The following NPAP1 variants were observed in gnomAD, a reference collection of about 807,000 sequenced individuals.
NPAP1 encodes the protein nuclear pore associated protein 1.
For missense variants in NPAP1, 1,483 were observed against 1,454.5 expected, an observed-to-expected ratio of 1.02 and a Z score of -0.32; for synonymous variants, 616 against 581.4, an observed-to-expected ratio of 1.06 and a Z score of -0.86.
chr15:24,677,033 T>G lies in NPAP1; in HGVS notation c.1166T>G (p.Met389Arg), dbSNP rs2141309407. The change falls in exon 1 of 1, where the codon ATG becomes AGG. Residue 389 changes from methionine to arginine, a missense_variant. Physicochemically the swap from Met to Arg is moderately conservative, Grantham distance 91. Transcript: ENST00000329468. ...ATCTTGGAGGATAAAACAGAGACCA[T>G]GACAAACAGCAGCATCACCCAGCCT... ...SRILEDKTET[M>R]TNSSITQPAP... The G allele has an allele frequency of 6.2e-7, 1 of 1,613,962 alleles. No homozygotes were observed. Among genetic ancestry groups the G allele is most frequent in the Non-Finnish European group, 8.5e-7 (1 of 1,179,998 alleles).
rs1243039564 is a variant in NPAP1, at chr15:24,678,928, G to A, written c.3061G>A (p.Gly1021Arg). The change falls in exon 1 of 1, where the codon GGG becomes AGG. Residue 1021 changes from glycine (G) to arginine (R), a missense_variant. Gly to Arg is a moderately radical substitution (Grantham distance 125). Transcript: ENST00000329468. ...AACCCCTATGGATGGTGGGAGCATT[G>A]GGTTCAGCATGTCTGCCCCAGGCCC... is the stretch of plus-strand genomic sequence containing the variant. ...PGTPMDGGSIGFSMSAPGPSS... is the reference protein window; with the variant it reads ...PGTPMDGGSIRFSMSAPGPSS... 1.9e-6 allele frequency: 3 copies of A among 1,614,086 alleles called. No homozygotes were observed. In the Admixed American group the frequency reaches 5.0e-5, roughly 27 times the overall value.
In NPAP1 at chr15:24,677,527, A is replaced by G. The variant is rs765207257; in HGVS notation, c.1660A>G (p.Ile554Val). 13 of 1,613,940 alleles carry G rather than the reference A, an allele frequency of 8.1e-6. No individual in the cohort carries two copies. The highest frequency in any genetic ancestry group is 1.1e-5 in the Non-Finnish European group (13 of 1,180,030). Residue 554 changes from isoleucine (I) to valine (V), a missense_variant, in exon 1 of 1, where the codon ATT becomes GTT. Transcript: ENST00000329468. ...CAAGCCTATGAATTCCACGTCAGTC[A>G]TTTCCACTGTCACAACAAACGCATC... ...TSKPMNSTSV[I>V]STVTTNASAH...
chr15:24,678,848 G>A lies in NPAP1; in HGVS notation c.2981G>A (p.Ser994Asn), dbSNP rs757344331. 6 of 1,614,196 alleles carry A rather than the reference G, an allele frequency of 3.7e-6. No individual in the cohort carries two copies. The highest frequency in any genetic ancestry group is 3.3e-5 in the South Asian group (3 of 91,086). ...IATGMPGTGD[S>N]TLLVGNTIPG... ...ACTGGGATGCCTGGCACTGGAGACA[G>A]TACCTTACTGGTTGGAAATACTATT... The change falls in exon 1 of 1, where the codon AGT becomes AAT. Residue 994 changes from serine to asparagine, a missense_variant. Ser to Asn is a conservative substitution (Grantham distance 46). Coordinates refer to ENST00000329468, the MANE Select transcript of NPAP1 (RefSeq NM_018958.3).
chr15:24,677,331 A>G lies in NPAP1; in HGVS notation c.1464A>G (p.Val488=). 1 of 1,614,128 alleles carries G rather than the reference A, an allele frequency of 6.2e-7. No homozygotes were observed. Among genetic ancestry groups the G allele is most frequent in the Non-Finnish European group, 8.5e-7 (1 of 1,180,004 alleles). ...NEKGGSYNSV[V]GAAPLTSDPP... ...AAGGAGGCTCTTATAATTCAGTCGTAGGAGCAGCGCCTCTCACTTCTGACC... is the reference window on the plus strand; with the variant it reads ...AAGGAGGCTCTTATAATTCAGTCGTGGGAGCAGCGCCTCTCACTTCTGACC... Residue 488 remains valine, a synonymous_variant, in exon 1 of 1, where the codon GTA becomes GTG. Transcript: ENST00000329468.
Position 24,682,315 on chromosome 15 carries a change from A to T in NPAP1, c.*2977A>T, listed in dbSNP as rs138283180. The T allele has an allele frequency of 4.3e-3, 726 of 167,160 alleles. 8 individuals carry two copies. The highest frequency in any genetic ancestry group is 0.018 in the East Asian group (93 of 5,176). The allele number at this position is 167,160 out of a possible 1,614,324, so 10.4% of individuals were successfully genotyped here. A position where few individuals can be genotyped will look rare whatever the true frequency, so the allele number is the denominator to read the frequency against. The stretch of plus-strand genomic sequence containing the variant: ...AGAGTGGAAATCCAGTTTTCTTCTA[A>T]TAGCCCTATACCCTTGCAGTATTAC... On this transcript the variant is annotated 3_prime_UTR_variant, in exon 1 of 1. Transcript: ENST00000329468.
In NPAP1 at chr15:24,676,568, T is replaced by G. The variant is rs1595615097; in HGVS notation, c.701T>G (p.Leu234Trp). The G allele has an allele frequency of 1.2e-6, 2 of 1,613,952 alleles. No homozygotes were observed. Among genetic ancestry groups the G allele is most frequent in the Non-Finnish European group, 1.7e-6 (2 of 1,179,986 alleles). ...KAQASPASSC[L>W]EGPAMPSTHS... ...CAGGCGTCTCCAGCGAGCTCCTGCTTGGAAGGCCCTGCCATGCCCAGCACA... is the reference window on the plus strand; with the variant it reads ...CAGGCGTCTCCAGCGAGCTCCTGCTGGGAAGGCCCTGCCATGCCCAGCACA... The change falls in exon 1 of 1, where the codon TTG (leucine) becomes TGG (tryptophan). Residue 234 changes from leucine to tryptophan, a missense_variant. By Grantham distance (61) the Leu-to-Trp change is moderately conservative (BLOSUM62 -2). Transcript: ENST00000329468.
chr15:24,676,178 A>AC, the NPAP1 span: 4 of 1,568,924 alleles, frequency 2.5e-6, no homozygotes, highest in Non-Finnish European at 3.4e-6. Flanking sequence ...CCTGCTCGGA[A>AC]CCCCCCGAGG....
In NPAP1 at chr15:24,680,934, A is replaced by C. The variant is rs1485102409; in HGVS notation, c.*1596A>C. 1 of 167,050 alleles carries C rather than the reference A, an allele frequency of 6.0e-6. No individual in the cohort carries two copies. The highest frequency in any genetic ancestry group is 1.5e-5 in the Non-Finnish European group (1 of 68,126). The allele number at this position is 167,050 out of a possible 1,614,324, so 10.3% of individuals were successfully genotyped here. A position where few individuals can be genotyped will look rare whatever the true frequency, so the allele number is the denominator to read the frequency against. On this transcript the variant is annotated 3_prime_UTR_variant, in exon 1 of 1. Transcript: ENST00000329468. ...GATTGTAGATAGAAGCAGGTGTTTC[A>C]GTTTACACTGTGAACAAGCCTCACT...
In NPAP1 at chr15:24,675,859, T is replaced by C. The variant is rs1273976870; in HGVS notation, c.-9T>C. On this transcript the variant is annotated 5_prime_UTR_variant, in exon 1 of 1. Transcript: ENST00000329468. Reference sequence around the variant, plus strand: ...CCTGTTTTACGGTAGGAGGCACGGCTAGCTCTAAATGGGCAATTTACTTAG... The same window carrying C: ...CCTGTTTTACGGTAGGAGGCACGGCCAGCTCTAAATGGGCAATTTACTTAG... The C allele has an allele frequency of 6.5e-7, 1 of 1,530,234 alleles. No individual in the cohort carries two copies. The highest frequency in any genetic ancestry group is 2.1e-5 in the Admixed American group (1 of 47,822). The allele number at this position is 1,530,234 out of a possible 1,614,324, so 94.8% of individuals were successfully genotyped here. A position where few individuals can be genotyped will look rare whatever the true frequency, so the allele number is the denominator to read the frequency against.
chr15:24,681,756 AACTG>A lies in NPAP1; in HGVS notation c.*2422_*2425del, dbSNP rs1312136265. 1 of 166,926 alleles carries A rather than the reference AACTG, an allele frequency of 6.0e-6. No homozygotes were observed. Among genetic ancestry groups the A allele is most frequent in the African/African-American group, 2.4e-5 (1 of 41,410 alleles). The allele number at this position is 166,926 out of a possible 1,614,324, so 10.3% of individuals were successfully genotyped here. A position where few individuals can be genotyped will look rare whatever the true frequency, so the allele number is the denominator to read the frequency against. On this transcript the variant is annotated 3_prime_UTR_variant, in exon 1 of 1. Transcript: ENST00000329468. ...CTGTGGCATTTTTTGTAGCAATCAG[AACTG>A]ACTAATAAAGATAGATAGATGATAG...
In NPAP1 at chr15:24,678,260, T is replaced by C. The variant is rs1417104789; in HGVS notation, c.2393T>C (p.Met798Thr). ...CATGATTTCCTGAGCCTTCCTATCA[T>C]GGTTCCTCCAGACACCTCCACTTTA... is the stretch of plus-strand genomic sequence containing the variant. ...SAHDFLSLPI[M>T]VPPDTSTLVS... is the part of the protein sequence containing the mutation. The change falls in exon 1 of 1, where the codon ATG (methionine) becomes ACG (threonine). Residue 798 changes from methionine to threonine, a missense_variant. By Grantham distance (81) the Met-to-Thr change is moderately conservative (BLOSUM62 -1). Coordinates refer to ENST00000329468, the MANE Select transcript of NPAP1 (RefSeq NM_018958.3). 5 of 1,613,408 alleles carry C rather than the reference T, an allele frequency of 3.1e-6. No individual in the cohort carries two copies. Among genetic ancestry groups the C allele is most frequent in the South Asian group, 1.1e-5 (1 of 91,062 alleles).
chr15:24,677,851 C>T lies in NPAP1; in HGVS notation c.1984C>T (p.Pro662Ser), dbSNP rs201791166. ...PDGQPQKASL[P>S]SACVFLSLPI... is the part of the protein sequence containing the mutation. ...TGGGCAGCCGCAGAAAGCTTCTCTC[C>T]CCAGTGCCTGTGTTTTCCTGAGCCT... The change falls in exon 1 of 1, where the codon CCC becomes TCC. Residue 662 changes from proline (P) to serine (S), a missense_variant. By Grantham distance (74) the Pro-to-Ser change is moderately conservative (BLOSUM62 -1). Transcript: ENST00000329468. The T allele has an allele frequency of 3.7e-5, 60 of 1,613,900 alleles. No homozygotes were observed. Among genetic ancestry groups the T allele is most frequent in the Non-Finnish European group, 4.7e-5 (56 of 1,180,002 alleles).
rs2141311169 is a variant in NPAP1 at position 24,677,804 on chromosome 15, A to G, written c.1937A>G (p.Gln646Arg). 6.2e-7 allele frequency: 1 copy of G among 1,614,092 alleles called. No individual in the cohort carries two copies. Among genetic ancestry groups the G allele is most frequent in the East Asian group, 2.2e-5 (1 of 44,864 alleles). Residue 646 changes from glutamine (Q) to arginine (R), a missense_variant, in exon 1 of 1, where the codon CAG (glutamine) becomes CGG (arginine). Gln to Arg is a conservative substitution (Grantham distance 43). Coordinates refer to ENST00000329468, the MANE Select transcript of NPAP1 (RefSeq NM_018958.3). Reference sequence around the variant, plus strand: ...CTCTTTGGAAAAGAAGCCACCCCTCAGCCCAAATTTGAGGCTCCTGATGGG... The same window carrying G: ...CTCTTTGGAAAAGAAGCCACCCCTCGGCCCAAATTTGAGGCTCCTGATGGG... ...NQLFGKEATP[Q>R]PKFEAPDGQP...
rs756551074 is a variant in NPAP1 at position 24,678,487 on chromosome 15, A to G, written c.2620A>G (p.Ser874Gly). The G allele has an allele frequency of 3.1e-6, 5 of 1,614,196 alleles. No individual in the cohort carries two copies. The South Asian group carries it at 4.4e-5, about 14-fold the overall frequency. ...DSIASAQVST[S>G]FPAQADRRPT... ...CATTGCCTCAGCCCAAGTCTCCACC[A>G]GTTTTCCTGCACAGGCAGATAGGAG... The change falls in exon 1 of 1, where the codon AGT becomes GGT. Residue 874 changes from serine (S) to glycine (G), a missense_variant. Ser to Gly is a moderately conservative substitution (Grantham distance 56). Coordinates refer to ENST00000329468, the MANE Select transcript of NPAP1 (RefSeq NM_018958.3).
rs1330875697 is a variant in NPAP1, at chr15:24,676,245, G to A, written c.378G>A (p.Leu126=). The A allele has an allele frequency of 1.3e-6, 2 of 1,522,460 alleles. No individual in the cohort carries two copies. Among genetic ancestry groups the A allele is most frequent in the Non-Finnish European group, 1.8e-6 (2 of 1,137,752 alleles). The allele number at this position is 1,522,460 out of a possible 1,614,324, so 94.3% of individuals were successfully genotyped here. ...IPPPSRMFTL[L]LPSPREPAVK... ...CTCCCAGCCGCATGTTCACTCTCCT[G>A]CTGCCTTCACCACGTGAGCCGGCGG... The change falls in exon 1 of 1, where the codon CTG becomes CTA. Residue 126 remains leucine (L), a synonymous_variant. Coordinates refer to ENST00000329468, the MANE Select transcript of NPAP1 (RefSeq NM_018958.3).
rs2141313710 is a variant in NPAP1 at position 24,678,923 on chromosome 15, G to A, written c.3056G>A (p.Ser1019Asn). 2.5e-6 allele frequency: 4 copies of A among 1,614,136 alleles called. No individual in the cohort carries two copies. The highest frequency in any genetic ancestry group is 3.4e-6 in the Non-Finnish European group (4 of 1,180,038). ...MGPGTPMDGG[S>N]IGFSMSAPGP... is the part of the protein sequence containing the mutation. ...CCTGGAACCCCTATGGATGGTGGGA[G>A]CATTGGGTTCAGCATGTCTGCCCCA... The change falls in exon 1 of 1, where the codon AGC becomes AAC. Residue 1019 changes from serine to asparagine, a missense_variant. By Grantham distance (46) the Ser-to-Asn change is conservative. Transcript: ENST00000329468.
In NPAP1 at chr15:24,677,623, G is replaced by A. The variant is rs2141310764; in HGVS notation, c.1756G>A (p.Val586Ile). The change falls in exon 1 of 1, where the codon GTT becomes ATT. Residue 586 changes from valine (V) to isoleucine (I), a missense_variant. Val to Ile is a conservative substitution (Grantham distance 29). Coordinates refer to ENST00000329468, the MANE Select transcript of NPAP1 (RefSeq NM_018958.3). ...VNMDTTAPSQVVIFTSSLSSR... is the reference protein window; with the variant it reads ...VNMDTTAPSQIVIFTSSLSSR... ...TATGGATACTACTGCCCCATCTCAG[G>A]TTGTTATTTTCACATCTTCCCTAAG... 3 of 1,614,126 alleles carry A rather than the reference G, an allele frequency of 1.9e-6. No individual in the cohort carries two copies. The highest frequency in any genetic ancestry group is 1.7e-6 in the Non-Finnish European group (2 of 1,180,022).
rs139493881 is a variant in NPAP1 at position 24,676,268 on chromosome 15, C to T, written c.401C>T (p.Ala134Val). 4.0e-6 allele frequency: 6 copies of T among 1,518,416 alleles called. No individual in the cohort carries two copies. Among genetic ancestry groups the T allele is most frequent in the Admixed American group, 2.3e-5 (1 of 44,244 alleles). 94.1% of individuals were successfully genotyped at this position (1,518,416 alleles called of 1,614,324 possible). A position where few individuals can be genotyped will look rare whatever the true frequency, so the allele number is the denominator to read the frequency against. ...TLLLPSPREP[A>V]VKARKPIPAT... ...CTGCTGCCTTCACCACGTGAGCCGG[C>T]GGTCAAGGCCAGGAAGCCCATCCCA... Residue 134 changes from alanine to valine, a missense_variant, in exon 1 of 1, where the codon GCG becomes GTG. Physicochemically the swap from Ala to Val is moderately conservative, Grantham distance 64. Coordinates refer to ENST00000329468, the MANE Select transcript of NPAP1 (RefSeq NM_018958.3).
In NPAP1 at chr15:24,680,838, A is replaced by G. The variant is rs1222470040; in HGVS notation, c.*1500A>G. The stretch of plus-strand genomic sequence containing the variant: ...GTTGAAGGGGAGAAAAGAAGCAAAA[A>G]CATGGAAATTATCTGGTAAATTAGC... On this transcript the variant is annotated 3_prime_UTR_variant, in exon 1 of 1. Transcript: ENST00000329468. 1.2e-5 allele frequency: 2 copies of G among 167,008 alleles called. No homozygotes were observed. Among genetic ancestry groups the G allele is most frequent in the Admixed American group, 6.5e-5 (1 of 15,294 alleles). 10.3% of individuals were successfully genotyped at this position (167,008 alleles called of 1,614,324 possible). A position where few individuals can be genotyped will look rare whatever the true frequency, so the allele number is the denominator to read the frequency against.
Sources: gnomAD v4.1 joint callset for allele counts on GRCh38, gnomAD v4.1.1 for gene constraint, MANE v1.5 for transcripts, NCBI Gene and HGNC (gene_info 2026-07-23, HGNC 2026-07-21) for gene names.